Variants in PTPRA observed in about 807,000 individuals in gnomAD.
PTPRA encodes the protein receptor-type tyrosine-protein phosphatase alpha.
PTPRA carries 25 observed loss-of-function variants against 104.8 expected under a neutral mutation model. The ratio of observed to expected loss-of-function variants is 0.24; its 90% CI spans 0.17 to 0.33. The LOEUF is 0.33. Among genes scored for constraint, PTPRA ranks in the 10% least tolerant of loss-of-function variants. PTPRA has a pLI of 1.00. For synonymous variants in PTPRA, 323 were observed against 368.9 expected (o/e 0.88, Z 1.43); for missense variants, 765 against 1,015.3 (o/e 0.75, Z 3.35).
the PTPRA span, chr20:2,864,262 C>T: frequency 6.2e-7 from 1 of 1,614,226 alleles, no homozygotes; most frequent in Non-Finnish European, 8.5e-7. The surrounding 1 kb of genome is among the most constrained non-coding windows in gnomAD (Gnocchi z 5.2). Context: ...TAAGCAAGGC[C>T]ATCGAGAGCG....
At chr20:2,897,774 A>G (rs915017203) in intron 1 of PTPRA, among the ~76,000 whole-genome samples, 5 of 152,124 alleles carry the variant, frequency 3.3e-5, no homozygotes, top group African/African-American at 1.2e-4. Context: ...TTTTAAACAT[A>G]TGAGCACAGC....
At chr20:3,016,899 C>T (rs948785088) in intron 12 of PTPRA, among the ~76,000 whole-genome samples, 5 of 152,226 alleles carry the variant, frequency 3.3e-5, no homozygotes, top group Non-Finnish European at 7.3e-5. Flanking sequence ...GCACCTCCCC[C>T]TCAGTCAGAC....
At chr20:3,030,326 A>C (rs961333759) in intron 20 of PTPRA, among the ~76,000 whole-genome samples, 3 of 152,018 alleles carry the variant, frequency 2.0e-5, no homozygotes, top group Admixed American at 1.3e-4. Flanking sequence ...TCTGCCTTCC[A>C]CTGTAGCTTA....
Position 2,941,010 on chromosome 20 carries a change from TG to T in PTPRA, c.-49-6970del, listed in dbSNP as rs374570537. Among the ~76,000 whole-genome samples, 86 of 146,052 alleles carry T rather than the reference TG, an allele frequency of 5.9e-4. 1 individual carries two copies. Among genetic ancestry groups the T allele is most frequent in the East Asian group, 8.2e-4 (4 of 4,858 alleles). On this transcript the variant is annotated intron_variant, in intron 2 of 23. Coordinates refer to ENST00000399903, the MANE Select transcript of PTPRA (RefSeq NM_001385305.1). Reference sequence around the variant, plus strand: ...TCTCACAAAACGTGTTCTTTTCTTCTGGTTTTTTTTTGGGGGTTTTTTTTGT... The same window carrying T: ...TCTCACAAAACGTGTTCTTTTCTTCTGTTTTTTTTTGGGGGTTTTTTTTGT...
chr20:2,991,025 T>C (rs1211652175), intron 9 of PTPRA, among the ~76,000 whole-genome samples: 1 of 152,006 alleles, frequency 6.6e-6, no homozygotes, highest in Non-Finnish European at 1.5e-5. Flanking sequence ...ATTGGAAAAA[T>C]AGCACCATTT....
intron 5 of PTPRA, among the ~76,000 whole-genome samples, chr20:2,967,193 C>T (rs2061977541): frequency 6.6e-6 from 1 of 152,118 alleles, no homozygotes; most frequent in African/African-American, 2.4e-5. Context: ...TTGTAGGGAA[C>T]TTAGTTTTCC....
At chr20:2,866,251 G>A in the PTPRA span, 8 of 1,613,810 alleles carry the variant, frequency 5.0e-6, no homozygotes, top group Middle Eastern at 1.6e-4. Flanking sequence ...TAACAAATAC[G>A]AAGCCAAGAA....
In PTPRA at chr20:3,022,713, C is replaced by T; in HGVS notation, c.1353C>T (p.Thr451=). ...GTGCAGGTGTAGGGCGTACAGGTAC[C>T]TTTGTCGTCATTGATGCCATGCTGG... The part of the protein sequence containing the change: ...HCSAGVGRTG[T]FVVIDAMLDM... The change falls in exon 16 of 24, where the codon ACC becomes ACT. Residue 451 remains threonine (T), a synonymous_variant. Transcript: ENST00000399903. This position sits in a 1 kb window ranked among gnomAD's most constrained non-coding sequence, Gnocchi z 4.6. 6.2e-7 allele frequency: 1 copy of T among 1,614,186 alleles called. No individual in the cohort carries two copies. Among genetic ancestry groups the T allele is most frequent in the Non-Finnish European group, 8.5e-7 (1 of 1,180,042 alleles).
At chr20:2,932,971 A>G (rs1179136296) in intron 2 of PTPRA, among the ~76,000 whole-genome samples, 3 of 152,208 alleles carry the variant, frequency 2.0e-5, no homozygotes, top group African/African-American at 7.2e-5. Flanking sequence ...AAAAAAAAGT[A>G]AAAGCTACTA....
chr20:2,959,458 G>A (rs988890191), intron 3 of PTPRA, among the ~76,000 whole-genome samples: 2 of 151,926 alleles, frequency 1.3e-5, no homozygotes, highest in African/African-American at 2.4e-5. Flanking sequence ...TAAATTATCT[G>A]TTTAGGTCCT....
chr20:2,999,299 A>G (rs1359827209), intron 9 of PTPRA, among the ~76,000 whole-genome samples: 1 of 152,190 alleles, frequency 6.6e-6, no homozygotes, highest in East Asian at 1.9e-4. Flanking sequence ...AGATATATAG[A>G]TTCAATGCAA....
chr20:3,005,049 CT>C lies in PTPRA; in HGVS notation c.739-4del. On this transcript the variant is annotated splice_region_variant and splice_polypyrimidine_tract_variant and intron_variant, in intron 9 of 23. Coordinates refer to ENST00000399903, the MANE Select transcript of PTPRA (RefSeq NM_001385305.1). Reference sequence around the variant, plus strand: ...AATAATTCCTCTAATTTCTCTTAACCTTTCAGGCTCTCCCTGCATGTCCTAT... The same window carrying C: ...AATAATTCCTCTAATTTCTCTTAACCTTCAGGCTCTCCCTGCATGTCCTAT... 6.3e-7 allele frequency: 1 copy of C among 1,591,422 alleles called. No homozygotes were observed. The highest frequency in any genetic ancestry group is 1.1e-5 in the South Asian group (1 of 90,412).
chr20:2,952,544 A>C (rs2061388391), intron 3 of PTPRA, among the ~76,000 whole-genome samples: 1 of 152,186 alleles, frequency 6.6e-6, no homozygotes, highest in African/African-American at 2.4e-5. Context: ...TTTTAAAAAA[A>C]ATTGTAGTTA....
At chr20:2,929,757 C>G (rs1037390910) in intron 2 of PTPRA, among the ~76,000 whole-genome samples, 1 of 151,798 alleles carries the variant, frequency 6.6e-6, no homozygotes, top group East Asian at 1.9e-4. Flanking sequence ...CCCAGGAGCT[C>G]GAGGCTGCAG....
intron 2 of PTPRA, among the ~76,000 whole-genome samples, chr20:2,946,959 T>C (rs1022261072): frequency 6.6e-6 from 1 of 152,160 alleles, no homozygotes. Flanking sequence ...TTGATGAACC[T>C]GAAATGTTTT....
At position 3,024,626 on chromosome 20, in the gene PTPRA, G is replaced by A. The variant is rs1227422323; in HGVS notation, c.1614+5G>A. 2 of 1,614,000 alleles carry A rather than the reference G, an allele frequency of 1.2e-6. No homozygotes were observed. The highest frequency in any genetic ancestry group is 4.5e-5 in the East Asian group (2 of 44,892). ...GGATTAGAGGAGGAGTTTAAGGTGA[G>A]TTGGAGCTGGATAACCTCCTTCAGA... is the stretch of plus-strand genomic sequence containing the variant. On this transcript the variant is annotated splice_donor_5th_base_variant and intron_variant, in intron 17 of 23. Coordinates refer to ENST00000399903, the MANE Select transcript of PTPRA (RefSeq NM_001385305.1).
At chr20:2,888,874 G>T (rs2058695210) in intron 1 of PTPRA, among the ~76,000 whole-genome samples, 1 of 152,172 alleles carries the variant, frequency 6.6e-6, no homozygotes, top group Admixed American at 6.5e-5. Flanking sequence ...ATCAAAAGGG[G>T]TGAATGTTAT....
chr20:2,911,873 G>A (rs1342616538), intron 1 of PTPRA, among the ~76,000 whole-genome samples: 1 of 151,964 alleles, frequency 6.6e-6, no homozygotes, highest in Non-Finnish European at 1.5e-5. Context: ...TAAAACGGAA[G>A]TCAGTGAAAA....
chr20:3,024,442 C>T (rs2065036811), intron 16 of PTPRA, 30 bp from the exon 17 acceptor site: 2 of 1,603,166 alleles, frequency 1.2e-6, no homozygotes, highest in African/African-American at 1.3e-5. Flanking sequence ...TTGTATGTAA[C>T]CAAGAACTTC....
Sources: allele counts gnomAD v4.1 joint callset (sites outside exome capture counted in the v4.1 genomes callset), GRCh38; gene constraint gnomAD v4.1.1; non-coding constraint Gnocchi (gnomAD v3.1); transcripts MANE v1.5; gene names NCBI Gene and HGNC (gene_info 2026-07-23, HGNC 2026-07-21).